ZNF407: variants seen among roughly 807,000 people sequenced by gnomAD.
ZNF407 encodes the protein zinc finger protein 407.
Under a neutral mutation model 131.2 loss-of-function variants are expected in ZNF407, and 17 were observed. The observed-to-expected ratio is 0.13, with a 90% CI of 0.09 to 0.19. ZNF407 has a LOEUF of 0.19. Ranked by LOEUF, ZNF407 falls within the 10% of genes least tolerant of loss-of-function variation. The probability of loss-of-function intolerance (pLI) is 1.00; values close to 1 mark genes in which losing one functional copy is unlikely to be tolerated. For missense variants in ZNF407, 2,681 were observed against 2,830.6 expected, an observed-to-expected ratio of 0.95 and a Z score of 1.20; for synonymous variants, 1,156 against 1,062.0, an observed-to-expected ratio of 1.09 and a Z score of -1.72.
At position 75,065,314 on chromosome 18, in the gene ZNF407, G is replaced by A. The variant is rs1235923432; in HGVS notation, c.*846G>A. On this transcript the variant is annotated 3_prime_UTR_variant, in exon 9 of 9. Transcript: ENST00000299687. ...CAATATTTTGCTTTTTATAACAAGG[G>A]TTTGTTCATATTGATGCCATTTTTG... 1 of 152,186 alleles carries A rather than the reference G, an allele frequency of 6.6e-6. No individual in the cohort carries two copies. The highest frequency in any genetic ancestry group is 6.5e-5 in the Admixed American group (1 of 15,278). 9.4% of individuals were successfully genotyped at this position (152,186 alleles called of 1,614,324 possible). A position where few individuals can be genotyped will look rare whatever the true frequency, so the allele number is the denominator to read the frequency against.
chr18:75,034,429 G>A (rs1203699484), intron 8 of ZNF407, among the ~76,000 whole-genome samples: 11 of 148,864 alleles, frequency 7.4e-5, no homozygotes, highest in South Asian at 2.2e-4. Flanking sequence ...TCAGCCTCCC[G>A]TGTAGCTGGG....
chr18:74,979,651 AAGAT>A (rs1972566365), intron 8 of ZNF407, among the ~76,000 whole-genome samples: 1 of 152,226 alleles, frequency 6.6e-6, no homozygotes, highest in African/African-American at 2.4e-5. Context: ...GGAGAACTCT[AAGAT>A]AGCAGTGGAA....
intron 4 of ZNF407, among the ~76,000 whole-genome samples, chr18:74,791,817 T>G (rs1012283638): frequency 5.9e-5 from 9 of 152,190 alleles, no homozygotes; most frequent in Non-Finnish European, 1.5e-5. Flanking sequence ...GGTCTCAGCT[T>G]CTCTTTCCTG....
Position 75,063,852 on chromosome 18 carries a change from C to A in ZNF407, c.6131C>A (p.Pro2044Gln). The change falls in exon 9 of 9, where the codon CCA (proline) becomes CAA (glutamine). Residue 2044 changes from proline to glutamine, a missense_variant. Pro to Gln is a moderately conservative substitution (Grantham distance 76). Coordinates refer to ENST00000299687, the MANE Select transcript of ZNF407 (RefSeq NM_017757.3). This position sits in a 1 kb window ranked among gnomAD's most constrained non-coding sequence, Gnocchi z 6.6. ...DPEAPEIQMFPQAQESPAAVE... is the reference protein window; with the variant it reads ...DPEAPEIQMFQQAQESPAAVE... ...GAGGCCCCCGAGATCCAGATGTTCC[C>A]ACAGGCCCAGGAGAGCCCGGCCGCC... 3 of 1,610,270 alleles carry A rather than the reference C, an allele frequency of 1.9e-6. No individual in the cohort carries two copies. The highest frequency in any genetic ancestry group is 2.5e-6 in the Non-Finnish European group (3 of 1,179,170).
intron 3 of ZNF407, among the ~76,000 whole-genome samples, chr18:74,733,289 C>T (rs552166130): frequency 1.3e-5 from 2 of 152,202 alleles, no homozygotes; most frequent in Admixed American, 1.3e-4. Context: ...CTATACTAAG[C>T]ACTCTTAACA....
At chr18:74,996,900 G>A (rs1972786204) in intron 8 of ZNF407, among the ~76,000 whole-genome samples, 1 of 152,186 alleles carries the variant, frequency 6.6e-6, no homozygotes, top group African/African-American at 2.4e-5. Context: ...CATATCTCTT[G>A]TGGTTTAAAT....
chr18:74,631,137 A>G lies in ZNF407; in HGVS notation c.118A>G (p.Ile40Val). The G allele has an allele frequency of 6.2e-7, 1 of 1,613,990 alleles. No homozygotes were observed. The highest frequency in any genetic ancestry group is 8.5e-7 in the Non-Finnish European group (1 of 1,179,894). ...AGACGGTGGGCCTGTATCTGATGTG[A>G]TAGCAAGTTTCCCTGAGAATTCTAT... ...NEDGGPVSDV[I>V]ASFPENSMGK... is the part of the protein sequence containing the mutation. Residue 40 changes from isoleucine (I) to valine (V), a missense_variant, in exon 2 of 9, where the codon ATA becomes GTA. By Grantham distance (29) the Ile-to-Val change is conservative. Around this residue, in one of 6 missense-constraint regions of ZNF407, gnomAD observed 1,789 missense variants for 1,748.7 expected, o/e 1.02. Transcript: ENST00000299687.
chr18:75,006,088 C>T (rs1477182652), intron 8 of ZNF407, among the ~76,000 whole-genome samples: 1 of 152,068 alleles, frequency 6.6e-6, no homozygotes, highest in Admixed American at 6.5e-5. Context: ...TCCGTGCTGT[C>T]TTGGAGGAGG....
intron 4 of ZNF407, among the ~76,000 whole-genome samples, chr18:74,828,665 C>T (rs1359525545): frequency 7.3e-6 from 1 of 136,526 alleles, no homozygotes; most frequent in African/African-American, 2.5e-5. Flanking sequence ...CTACGCTGTT[C>T]CTGGTGTGTG....
chr18:74,743,144 T>C (rs1968588856), intron 3 of ZNF407, among the ~76,000 whole-genome samples: 1 of 152,076 alleles, frequency 6.6e-6, no homozygotes, highest in African/African-American at 2.4e-5. Flanking sequence ...TTAACCAAAA[T>C]AGAGAACGCT....
At chr18:74,694,731 G>T (rs1967311345) in intron 3 of ZNF407, among the ~76,000 whole-genome samples, 1 of 152,024 alleles carries the variant, frequency 6.6e-6, no homozygotes, top group Admixed American at 6.6e-5. Context: ...TCTGTGCATT[G>T]TTCAATTTCT....
chr18:74,921,025 A>AT, intron 8 of ZNF407: 15 of 1,004,528 alleles, frequency 1.5e-5, no homozygotes, highest in East Asian at 8.6e-5. Context: ...TAAAATTTTA[A>AT]TTTTTTTTCT....
intron 8 of ZNF407, among the ~76,000 whole-genome samples, chr18:75,004,257 T>A (rs1012459862): frequency 6.6e-6 from 1 of 152,198 alleles, no homozygotes; most frequent in African/African-American, 2.4e-5. Flanking sequence ...AGGACATACC[T>A]AGGCTTTTGC....
At chr18:74,797,363 A>T (rs1424933377) in intron 4 of ZNF407, among the ~76,000 whole-genome samples, 1 of 152,244 alleles carries the variant, frequency 6.6e-6, no homozygotes, top group Non-Finnish European at 1.5e-5. Flanking sequence ...ATTTCAATTT[A>T]GTGGCAACAT....
intron 8 of ZNF407, among the ~76,000 whole-genome samples, chr18:74,979,104 G>A (rs1228507682): frequency 1.3e-5 from 2 of 152,060 alleles, no homozygotes; most frequent in Admixed American, 6.6e-5. Context: ...TAGAATTAGC[G>A]ACACCTGGGT....
At chr18:74,902,504 T>G (rs781589619) in intron 7 of ZNF407, among the ~76,000 whole-genome samples, 4 of 152,138 alleles carry the variant, frequency 2.6e-5, no homozygotes, top group Non-Finnish European at 5.9e-5. Flanking sequence ...AGGGAAGCAT[T>G]GTGTGCAGGG....
At chr18:74,746,440 G>C (rs539778753) in intron 3 of ZNF407, among the ~76,000 whole-genome samples, 38 of 152,006 alleles carry the variant, frequency 2.5e-4, no homozygotes, top group Middle Eastern at 3.4e-3. Context: ...TAAAGTTTTT[G>C]ACTCCTTTTT....
At chr18:74,654,285 G>A (rs1398357128) in intron 3 of ZNF407, among the ~76,000 whole-genome samples, 1 of 151,602 alleles carries the variant, frequency 6.6e-6, no homozygotes, top group African/African-American at 2.4e-5. Flanking sequence ...TCTGATTAAG[G>A]CAGTAAACAT....
At chr18:74,864,949 G>A (rs995097630) in intron 4 of ZNF407, among the ~76,000 whole-genome samples, 10 of 152,188 alleles carry the variant, frequency 6.6e-5, no homozygotes, top group Non-Finnish European at 1.0e-4. Context: ...GTTACTCACT[G>A]CTAAGAGAAG....
Sources: allele counts gnomAD v4.1 joint callset (sites outside exome capture counted in the v4.1 genomes callset), GRCh38; gene constraint gnomAD v4.1.1; regional missense constraint gnomAD v4.1.1; non-coding constraint Gnocchi (gnomAD v3.1); transcripts MANE v1.5; gene names NCBI Gene and HGNC (gene_info 2026-07-23, HGNC 2026-07-21).